The following CSMD1 variants were observed in gnomAD, a reference collection of about 807,000 sequenced individuals.
CSMD1 encodes the protein CUB and sushi domain-containing protein 1.
CSMD1 carries 213 observed loss-of-function variants against 417.5 expected under a neutral mutation model. The ratio of observed to expected loss-of-function variants is 0.51; its 90% confidence interval spans 0.46 to 0.57. The LOEUF (loss-of-function observed/expected upper bound fraction) is 0.57. CSMD1 is among the 20% of genes least tolerant of loss of function. CSMD1 has a pLI of 0.00. For missense variants in CSMD1, 6,923 were observed against 4,529.7 expected, an observed-to-expected ratio of 1.53 and a Z score of -15.17; for synonymous variants, 2,862 against 1,736.8, an observed-to-expected ratio of 1.65 and a Z score of -16.11.
At chr8:4,346,978 G>A (rs965122314) in intron 3 of CSMD1, among the ~76,000 whole-genome samples, 6 of 152,166 alleles carry the variant, frequency 3.9e-5, no homozygotes, top group African/African-American at 1.4e-4. Context: ...TGTAATGGAG[G>A]GTGCTTGTGG....
At chr8:4,057,480 G>C (rs1316398853) in intron 3 of CSMD1, among the ~76,000 whole-genome samples, 24 of 152,088 alleles carry the variant, frequency 1.6e-4, no homozygotes. Flanking sequence ...CCATTTTGTA[G>C]GTTGCCTGTT....
In CSMD1 at chr8:4,986,763, T is replaced by A. The variant is rs1362318239; in HGVS notation, c.85+7569A>T. Among the ~76,000 whole-genome samples the A allele has an allele frequency of 2.6e-5, 4 of 152,106 alleles. No individual in the cohort carries two copies. In the East Asian group the frequency reaches 7.7e-4, roughly 29 times the overall value. On this transcript the variant is annotated intron_variant, in intron 1 of 69. Coordinates refer to ENST00000635120, the MANE Select transcript of CSMD1 (RefSeq NM_033225.6). The stretch of plus-strand genomic sequence containing the variant: ...GACAGCATTGAATGATGGATACCGA[T>A]AATAGAGGCACTGATGATAAAGAAG...
chr8:3,094,768 T>C (rs1815180330), intron 47 of CSMD1, among the ~76,000 whole-genome samples: 1 of 135,130 alleles, frequency 7.4e-6, no homozygotes. Flanking sequence ...TGTTTTTTGG[T>C]CCACCTATGA....
intron 2 of CSMD1, among the ~76,000 whole-genome samples, chr8:4,469,033 A>G (rs543029995): frequency 2.6e-5 from 4 of 152,336 alleles, no homozygotes; most frequent in East Asian, 1.9e-4. Flanking sequence ...AGACAATGCT[A>G]TACTCTCTAA....
At chr8:3,551,326 T>C (rs1006530366) in intron 10 of CSMD1, among the ~76,000 whole-genome samples, 1 of 152,164 alleles carries the variant, frequency 6.6e-6, no homozygotes, top group African/African-American at 2.4e-5. Flanking sequence ...TGTGAATGTT[T>C]TGAAAGCCAA....
chr8:4,131,669 T>C (rs1298681596), intron 3 of CSMD1, among the ~76,000 whole-genome samples: 1 of 151,616 alleles, frequency 6.6e-6, no homozygotes, highest in African/African-American at 2.4e-5. Flanking sequence ...AAATGTTAGA[T>C]AGACTTCATT....
intron 10 of CSMD1, among the ~76,000 whole-genome samples, chr8:3,508,482 T>A (rs1441960087): frequency 1.3e-5 from 2 of 150,864 alleles, no homozygotes; most frequent in East Asian, 3.9e-4. Flanking sequence ...GTTGTGCACA[T>A]GTACCCTAGA....
chr8:3,732,369 T>C (rs1222555875), intron 6 of CSMD1, among the ~76,000 whole-genome samples: 1 of 152,166 alleles, frequency 6.6e-6, no homozygotes, highest in East Asian at 1.9e-4. Context: ...CCAATGAAAT[T>C]TTATTGTCAA....
intron 5 of CSMD1, among the ~76,000 whole-genome samples, chr8:3,847,491 C>A (rs115161310): frequency 8.5e-5 from 13 of 152,206 alleles, no homozygotes; most frequent in African/African-American, 3.1e-4. Context: ...CTGAGTTCCG[C>A]CAACATCAAT....
intron 3 of CSMD1, among the ~76,000 whole-genome samples, chr8:4,060,069 G>A (rs570238311): frequency 6.6e-6 from 1 of 152,306 alleles, no homozygotes; most frequent in South Asian, 2.1e-4. Flanking sequence ...ACCGAATCCA[G>A]CAGCACACCA....
At chr8:4,223,150 C>G (rs754504701) in intron 3 of CSMD1, among the ~76,000 whole-genome samples, 3 of 151,752 alleles carry the variant, frequency 2.0e-5, no homozygotes, top group African/African-American at 7.3e-5. Flanking sequence ...GAAAGGAGGG[C>G]AACGCCACCC....
intron 5 of CSMD1, among the ~76,000 whole-genome samples, chr8:3,847,786 A>G (rs1481944183): frequency 1.3e-5 from 2 of 152,188 alleles, no homozygotes; most frequent in African/African-American, 4.8e-5. Context: ...AGTGATTAGG[A>G]AATATAGTTG....
intron 12 of CSMD1, among the ~76,000 whole-genome samples, chr8:3,446,674 G>T (rs887054368): frequency 3.3e-5 from 5 of 152,156 alleles, no homozygotes; most frequent in African/African-American, 4.8e-5. Flanking sequence ...CTGGTAAAAA[G>T]TAAAAGGTAA....
At chr8:3,631,677 A>G in intron 7 of CSMD1, among the ~76,000 whole-genome samples, 1 of 152,232 alleles carries the variant, frequency 6.6e-6, no homozygotes, top group East Asian at 1.9e-4. Flanking sequence ...ATAATGGAAG[A>G]TTGAAGTCGT....
At chr8:3,280,949 T>C (rs1163574783) in intron 26 of CSMD1, among the ~76,000 whole-genome samples, 1 of 152,174 alleles carries the variant, frequency 6.6e-6, no homozygotes, top group Non-Finnish European at 1.5e-5. Flanking sequence ...ACAGTGATTG[T>C]TAAAACAGGA....
chr8:4,823,253 G>A (rs979326672), intron 1 of CSMD1, among the ~76,000 whole-genome samples: 7 of 151,736 alleles, frequency 4.6e-5, no homozygotes, highest in Non-Finnish European at 1.0e-4. Flanking sequence ...TTATGCTTGT[G>A]TTTTCCAATG....
At chr8:4,213,045 C>G (rs545186151) in intron 3 of CSMD1, among the ~76,000 whole-genome samples, 47 of 152,122 alleles carry the variant, frequency 3.1e-4, no homozygotes, top group Non-Finnish European at 5.9e-4. Flanking sequence ...TAATTTAAGA[C>G]CCACTCTAAG....
chr8:4,164,838 T>C (rs1200809069), intron 3 of CSMD1, among the ~76,000 whole-genome samples: 1 of 150,882 alleles, frequency 6.6e-6, no homozygotes, highest in Admixed American at 6.6e-5. Context: ...ATTGTGCCAC[T>C]GCACTCCAAG....
intron 1 of CSMD1, among the ~76,000 whole-genome samples, chr8:4,654,370 G>A (rs1437178383): frequency 1.3e-5 from 2 of 152,062 alleles, no homozygotes; most frequent in Non-Finnish European, 2.9e-5. Context: ...TTCCCCTGCT[G>A]GGTCTCCACC....
Sources: allele counts gnomAD v4.1 joint callset (sites outside exome capture counted in the v4.1 genomes callset), GRCh38; gene constraint gnomAD v4.1.1; transcripts MANE v1.5; gene names NCBI Gene and HGNC (gene_info 2026-07-23, HGNC 2026-07-21).